Variants in NKAIN3 observed in about 807,000 individuals in gnomAD.
NKAIN3 encodes the protein sodium/potassium-transporting ATPase subunit beta-1-interacting protein 3.
In NKAIN3, 25 loss-of-function variants were observed where a neutral mutation model predicts 30.2. That is an observed-to-expected ratio of 0.83 (90% confidence interval 0.60 to 1.16). The LOEUF is 1.16. Ranked by LOEUF, NKAIN3 falls within the 50% of genes most tolerant of loss-of-function variation. The probability of loss-of-function intolerance (pLI) is 0.00; values close to 1 mark genes in which losing one functional copy is unlikely to be tolerated. For synonymous variants in NKAIN3, 91 were observed against 89.6 expected, an observed-to-expected ratio of 1.02 and a Z score of -0.09; for missense variants, 225 against 254.1, an observed-to-expected ratio of 0.89 and a Z score of 0.78.
chr8:62,366,689 C>A (rs1176100611), intron 1 of NKAIN3, among the ~76,000 whole-genome samples: 3 of 152,106 alleles, frequency 2.0e-5, no homozygotes, highest in African/African-American at 4.8e-5. Flanking sequence ...TCTCTAGTTT[C>A]TCTTTATCTC....
chr8:62,702,439 T>G (rs1249928271), intron 3 of NKAIN3, among the ~76,000 whole-genome samples: 4 of 152,222 alleles, frequency 2.6e-5, no homozygotes, highest in South Asian at 4.1e-4. Flanking sequence ...TACAGAAGCA[T>G]ATGTTTGGTT....
intron 4 of NKAIN3, among the ~76,000 whole-genome samples, chr8:62,760,968 C>T (rs1175412202): frequency 6.6e-6 from 1 of 152,122 alleles, no homozygotes; most frequent in Admixed American, 6.6e-5. Context: ...CAACGGGTAA[C>T]GTCAGGTATT....
At chr8:62,328,219 A>G (rs1339137724) in intron 1 of NKAIN3, among the ~76,000 whole-genome samples, 1 of 152,160 alleles carries the variant, frequency 6.6e-6, no homozygotes. Context: ...TTACTATAAT[A>G]ATGTGGTTTT....
intron 4 of NKAIN3, among the ~76,000 whole-genome samples, chr8:62,768,936 G>C (rs542420585): frequency 2.6e-5 from 4 of 152,266 alleles, no homozygotes; most frequent in East Asian, 3.9e-4. Flanking sequence ...TCCAAAGACT[G>C]TTGTCTGTGA....
At chr8:62,257,654 A>C (rs1812305451) in intron 1 of NKAIN3, among the ~76,000 whole-genome samples, 1 of 152,224 alleles carries the variant, frequency 6.6e-6, no homozygotes, top group African/African-American at 2.4e-5. Flanking sequence ...CCATAGGGAC[A>C]GATTTCTATT....
chr8:62,925,853 G>A (rs1822425144), intron 5 of NKAIN3, among the ~76,000 whole-genome samples: 1 of 152,252 alleles, frequency 6.6e-6, no homozygotes, highest in Middle Eastern at 3.4e-3. Context: ...CAGAGTTACA[G>A]TAACAAAGTC....
At chr8:62,664,780 T>A (rs1813049017) in intron 3 of NKAIN3, among the ~76,000 whole-genome samples, 1 of 152,198 alleles carries the variant, frequency 6.6e-6, no homozygotes, top group South Asian at 2.1e-4. Flanking sequence ...ATACTTGGGA[T>A]GGGACAAAGA....
intron 4 of NKAIN3, among the ~76,000 whole-genome samples, chr8:62,881,060 T>C (rs1222951811): frequency 6.6e-6 from 1 of 152,174 alleles, no homozygotes; most frequent in African/African-American, 2.4e-5. Context: ...TTAATAAAAA[T>C]TCTGCATCAG....
chr8:62,371,777 C>A (rs569348637), intron 1 of NKAIN3, among the ~76,000 whole-genome samples: 2 of 151,844 alleles, frequency 1.3e-5, no homozygotes, highest in Non-Finnish European at 3.0e-5. Context: ...TTCACATACC[C>A]CTATTTTATT....
At chr8:62,775,178 A>G (rs537137940) in intron 4 of NKAIN3, among the ~76,000 whole-genome samples, 1 of 152,140 alleles carries the variant, frequency 6.6e-6, no homozygotes, top group Admixed American at 6.5e-5. Flanking sequence ...TAAACTTTCC[A>G]ATTTATTGTC....
At chr8:62,415,549 T>A (rs1221061243) in intron 1 of NKAIN3, among the ~76,000 whole-genome samples, 1 of 150,450 alleles carries the variant, frequency 6.6e-6, no homozygotes, top group Non-Finnish European at 1.5e-5. Flanking sequence ...GCATATAGAC[T>A]CCACTCTTTC....
intron 1 of NKAIN3, among the ~76,000 whole-genome samples, chr8:62,442,592 G>T (rs1409160369): frequency 2.0e-5 from 3 of 151,690 alleles, no homozygotes; most frequent in Admixed American, 2.0e-4. Flanking sequence ...TTATTTCACT[G>T]ATTGCTGCCT....
At chr8:62,480,701 A>G (rs1202333286) in intron 1 of NKAIN3, among the ~76,000 whole-genome samples, 1 of 152,174 alleles carries the variant, frequency 6.6e-6, no homozygotes, top group African/African-American at 2.4e-5. Flanking sequence ...CCTGAGTTGT[A>G]CCCAGAAAAT....
chr8:62,659,496 A>AATGTGACAGACTATGCCG (rs1812873199), intron 3 of NKAIN3, among the ~76,000 whole-genome samples: 2 of 152,238 alleles, frequency 1.3e-5, no homozygotes, highest in Non-Finnish European at 2.9e-5. Context: ...TGACTATGCC[A>AATGTGACAGACTATGCCG]TTAATGTGAC....
intron 4 of NKAIN3, among the ~76,000 whole-genome samples, chr8:62,812,459 G>A (rs1049234777): frequency 2.0e-5 from 3 of 151,728 alleles, no homozygotes; most frequent in Non-Finnish European, 3.0e-5. Context: ...CCAATGGCAT[G>A]TATGTATGAA....
At chr8:62,323,614 G>A (rs1815014822) in intron 1 of NKAIN3, among the ~76,000 whole-genome samples, 3 of 152,048 alleles carry the variant, frequency 2.0e-5, no homozygotes, top group Non-Finnish European at 4.4e-5. Flanking sequence ...CTTATTATCA[G>A]GGATATGTGC....
At chr8:62,855,383 G>A (rs558242427) in intron 4 of NKAIN3, 127 of 787,270 alleles carry the variant, frequency 1.6e-4, no homozygotes, top group South Asian at 3.8e-4. Flanking sequence ...CATGGGCACA[G>A]TGAAATTGCC....
intron 3 of NKAIN3, among the ~76,000 whole-genome samples, chr8:62,614,553 G>A (rs755844181): frequency 3.9e-4 from 59 of 152,126 alleles, no homozygotes; most frequent in Non-Finnish European, 7.2e-4. Context: ...ATCAGCAGGT[G>A]GCAAAACCAA....
chr8:62,424,530 G>C (rs1036806915), intron 1 of NKAIN3, among the ~76,000 whole-genome samples: 3 of 151,762 alleles, frequency 2.0e-5, no homozygotes, highest in South Asian at 2.1e-4. Context: ...ACAAATGGCT[G>C]TCAGGGACAC....
Sources: gnomAD v4.1 joint callset for allele counts (sites outside exome capture counted in the v4.1 genomes callset) on GRCh38, gnomAD v4.1.1 for gene constraint, MANE v1.5 for transcripts, NCBI Gene and HGNC (gene_info 2026-07-23, HGNC 2026-07-21) for gene names.